CCDC3: variants seen among roughly 807,000 people sequenced by gnomAD.
The protein encoded by CCDC3 is coiled-coil domain-containing protein 3.
Under a neutral mutation model 21.4 loss-of-function variants are expected in CCDC3, and 24 were observed. The ratio of observed to expected loss-of-function variants is 1.12; its 90% CI spans 0.81 to 1.58. The LOEUF is 1.58. CCDC3 is among the 40% of genes most tolerant of loss of function. The pLI, the probability that CCDC3 is intolerant of heterozygous loss-of-function variation, is 0.00. For synonymous variants in CCDC3, 186 were observed against 166.0 expected (o/e 1.12, Z -0.93); for missense variants, 425 against 360.9 (o/e 1.18, Z -1.44).
chr10:12,983,806 G>A (rs888107636), intron 2 of CCDC3, among the ~76,000 whole-genome samples: 4 of 152,096 alleles, frequency 2.6e-5, no homozygotes, highest in Admixed American at 6.6e-5. Flanking sequence ...GAGGCTGGGC[G>A]CAATGACTCA....
At chr10:13,084,914 G>A (rs1392575115) in intron 3 of CCDC3, among the ~76,000 whole-genome samples, 4 of 152,124 alleles carry the variant, frequency 2.6e-5, no homozygotes, top group Non-Finnish European at 2.9e-5. Context: ...AGCAGGTGAC[G>A]TTCCCCAACA....
At chr10:13,058,346 C>A (rs1836709537) in intron 4 of CCDC3, 2 of 1,194,076 alleles carry the variant, frequency 1.7e-6, no homozygotes, top group Non-Finnish European at 2.5e-6. Flanking sequence ...GCCAAACCTA[C>A]TGAGAATCCT....
intron 5 of CCDC3, among the ~76,000 whole-genome samples, chr10:13,047,175 A>G (rs1170932973): frequency 1.3e-5 from 2 of 148,258 alleles, no homozygotes; most frequent in Non-Finnish European, 3.0e-5. Context: ...AACGCATGGA[A>G]ATTGTGGACC....
At chr10:12,921,568 TACATA>T (rs1313759017) in intron 2 of CCDC3, among the ~76,000 whole-genome samples, 3 of 152,258 alleles carry the variant, frequency 2.0e-5, no homozygotes, top group Non-Finnish European at 4.4e-5. Context: ...TAGCAAAATA[TACATA>T]ACATAAAATT....
intron 3 of CCDC3, among the ~76,000 whole-genome samples, chr10:13,079,155 C>T (rs747260144): frequency 7.2e-5 from 11 of 152,180 alleles, no homozygotes; most frequent in Non-Finnish European, 1.6e-4. Flanking sequence ...CCTTATGGTA[C>T]CAAGGAACAA....
intron 2 of CCDC3, among the ~76,000 whole-genome samples, chr10:12,972,525 G>C (rs905228654): frequency 6.6e-6 from 1 of 152,146 alleles, no homozygotes; most frequent in Non-Finnish European, 1.5e-5. Flanking sequence ...CTTTTAAAAT[G>C]AGAAATTGGG....
At chr10:13,085,679 C>A (rs1314678572) in intron 3 of CCDC3, among the ~76,000 whole-genome samples, 1 of 152,040 alleles carries the variant, frequency 6.6e-6, no homozygotes, top group Non-Finnish European at 1.5e-5. Context: ...ATTCAAGGGA[C>A]CATGAGGCCA....
chr10:13,000,431 A>T (rs1311819926), intron 1 of CCDC3, among the ~76,000 whole-genome samples: 8 of 152,252 alleles, frequency 5.3e-5, no homozygotes, highest in South Asian at 2.1e-4. Context: ...GGAACTTCAG[A>T]AGATTCCAGT....
intron 2 of CCDC3, among the ~76,000 whole-genome samples, chr10:12,979,766 C>A (rs192271520): frequency 6.6e-6 from 1 of 152,146 alleles, no homozygotes; most frequent in Non-Finnish European, 1.5e-5. Flanking sequence ...CTAAATAAAC[C>A]GCTACTGACT....
chr10:12,898,406 C>T lies in CCDC3; in HGVS notation c.*10G>A, dbSNP rs1258234633. 1 of 1,589,230 alleles carries T rather than the reference C, an allele frequency of 6.3e-7. No homozygotes were observed. The highest frequency in any genetic ancestry group is 2.1e-4 in the Middle Eastern group (1 of 4,856). ...GATTGGCCCTGCACACCTGGCAGCC[C>T]CCAGGCCCGTTACCCCCGCAGGTAG... On this transcript the variant is annotated 3_prime_UTR_variant, in exon 3 of 3. Transcript: ENST00000378825.
At chr10:13,046,800 A>G in intron 5 of CCDC3, among the ~76,000 whole-genome samples, 1 of 152,200 alleles carries the variant, frequency 6.6e-6, no homozygotes, top group Non-Finnish European at 1.5e-5. Flanking sequence ...TCCTTCAGAT[A>G]CAGTGATCTA....
At chr10:12,943,342 T>G (rs2131240312) in intron 2 of CCDC3, among the ~76,000 whole-genome samples, 1 of 152,140 alleles carries the variant, frequency 6.6e-6, no homozygotes, top group East Asian at 1.9e-4. Context: ...TGTGAAAAAC[T>G]AGTTTAGGCC....
intron 2 of CCDC3, among the ~76,000 whole-genome samples, chr10:12,920,043 T>A (rs1834423611): frequency 6.6e-6 from 1 of 152,148 alleles, no homozygotes; most frequent in Non-Finnish European, 1.5e-5. Context: ...CTGCTAAACA[T>A]GCTAAGTGCA....
chr10:13,036,330 C>T (rs1836377168), intron 5 of CCDC3, among the ~76,000 whole-genome samples: 1 of 152,090 alleles, frequency 6.6e-6, no homozygotes, highest in Non-Finnish European at 1.5e-5. Context: ...TAAAAAAATC[C>T]ATGCTATATA....
chr10:13,093,261 G>A (rs994848758), intron 3 of CCDC3, among the ~76,000 whole-genome samples: 25 of 152,240 alleles, frequency 1.6e-4, no homozygotes, highest in Non-Finnish European at 2.2e-4. Flanking sequence ...ATGGCGGCAG[G>A]CAAGAGAGAG....
chr10:12,996,932 G>A (rs1835770509), intron 2 of CCDC3, among the ~76,000 whole-genome samples: 1 of 152,146 alleles, frequency 6.6e-6, no homozygotes, highest in African/African-American at 2.4e-5. Context: ...CTACGTGAGG[G>A]TGGGAGGAGG....
chr10:12,963,578 G>A (rs2131258922), intron 2 of CCDC3, among the ~76,000 whole-genome samples: 1 of 106,250 alleles, frequency 9.4e-6, no homozygotes, highest in South Asian at 3.4e-4. Flanking sequence ...TTGTTTTCCG[G>A]GTTTTTTTTT....
intron 2 of CCDC3, among the ~76,000 whole-genome samples, chr10:12,994,949 C>A (rs1462270194): frequency 2.6e-5 from 4 of 151,752 alleles, no homozygotes; most frequent in Non-Finnish European, 5.9e-5. Flanking sequence ...GGTGTGATGG[C>A]ACATACCTGT....
intron 2 of CCDC3, among the ~76,000 whole-genome samples, chr10:12,966,050 G>A (rs777193828): frequency 6.6e-6 from 1 of 152,132 alleles, no homozygotes; most frequent in Non-Finnish European, 1.5e-5. Context: ...AGCCTTTCAC[G>A]AGATGTTCCC....
Sources: gnomAD v4.1 joint callset for allele counts (sites outside exome capture counted in the v4.1 genomes callset) on GRCh38, gnomAD v4.1.1 for gene constraint, MANE v1.5 for transcripts, NCBI Gene and HGNC (gene_info 2026-07-23, HGNC 2026-07-21) for gene names.